Variants in ENOX1 observed in about 807,000 individuals in gnomAD.
The protein encoded by ENOX1 is candidate growth-related and time keeping constitutive hydroquinone (NADH) oxidase.
In ENOX1, 42 loss-of-function variants were observed where a neutral mutation model predicts 82.5. The ratio of observed to expected loss-of-function variants is 0.51; its 90% CI spans 0.40 to 0.66. The LOEUF (loss-of-function observed/expected upper bound fraction) is 0.66, where lower values mean the gene tolerates loss of function less well. Among genes scored for constraint, ENOX1 ranks in the 30% least tolerant of loss-of-function variants. The probability of loss-of-function intolerance (pLI) is 0.00; values close to 1 mark genes in which losing one functional copy is unlikely to be tolerated. For missense variants in ENOX1, 608 were observed against 811.6 expected, an observed-to-expected ratio of 0.75 and a Z score of 3.05; for synonymous variants, 271 against 282.2, an observed-to-expected ratio of 0.96 and a Z score of 0.40.
At chr13:43,432,125 C>T (rs116669031) in intron 3 of ENOX1, among the ~76,000 whole-genome samples, 1,713 of 152,202 alleles carry the variant, frequency 0.011, 24 homozygotes, top group African/African-American at 0.038. Context: ...TGTGGCTCCT[C>T]GTTGTGTGGT....
intron 1 of ENOX1, among the ~76,000 whole-genome samples, chr13:43,760,860 G>GAAAA (rs386378983): frequency 3.9e-5 from 5 of 127,314 alleles, no homozygotes; most frequent in South Asian, 2.7e-4. Context: ...CATTAAAGTG[G>GAAAA]AAAAAAAAAA....
At chr13:43,298,669 G>A in intron 11 of ENOX1, 139 bp from the exon 12 acceptor site, 3 of 655,084 alleles carry the variant, frequency 4.6e-6, no homozygotes, top group Non-Finnish European at 7.5e-6. Context: ...GCCACTCCCT[G>A]GGCCTCTCTT....
chr13:43,771,835 G>A (rs1951628724), intron 1 of ENOX1, among the ~76,000 whole-genome samples: 1 of 151,628 alleles, frequency 6.6e-6, no homozygotes, highest in South Asian at 2.1e-4. Context: ...CGCCATCTTG[G>A]CTCACTGCAA....
chr13:43,511,832 G>A (rs2153675884), intron 2 of ENOX1, among the ~76,000 whole-genome samples: 1 of 152,184 alleles, frequency 6.6e-6, no homozygotes, highest in East Asian at 1.9e-4. Flanking sequence ...TCATTCTAGG[G>A]AATCCAAAAG....
chr13:43,290,310 AC>A (rs1457088518), intron 12 of ENOX1, among the ~76,000 whole-genome samples: 1 of 152,246 alleles, frequency 6.6e-6, no homozygotes, highest in Non-Finnish European at 1.5e-5. Flanking sequence ...AATAGGAAAG[AC>A]ACAGAAGCAA....
intron 2 of ENOX1, among the ~76,000 whole-genome samples, chr13:43,626,603 T>C (rs1403211205): frequency 6.6e-6 from 1 of 151,904 alleles, no homozygotes; most frequent in Non-Finnish European, 1.5e-5. Context: ...TTGGAAATTG[T>C]CCTCTTATAT....
At chr13:43,557,802 A>G (rs1407987515) in intron 2 of ENOX1, among the ~76,000 whole-genome samples, 2 of 152,196 alleles carry the variant, frequency 1.3e-5, no homozygotes, top group African/African-American at 4.8e-5. Context: ...TGTCTCTAAC[A>G]GAAGTTTTAA....
intron 9 of ENOX1, among the ~76,000 whole-genome samples, chr13:43,338,187 A>G (rs916300478): frequency 1.3e-5 from 2 of 152,190 alleles, no homozygotes; most frequent in Non-Finnish European, 2.9e-5. Context: ...CATGCATATT[A>G]ATAACTGAAT....
chr13:43,563,269 A>G (rs992212029), intron 2 of ENOX1, among the ~76,000 whole-genome samples: 3 of 152,200 alleles, frequency 2.0e-5, no homozygotes, highest in African/African-American at 4.8e-5. Context: ...TGGAAATTAA[A>G]TTATATGCTT....
intron 1 of ENOX1, among the ~76,000 whole-genome samples, chr13:43,785,923 G>GGGGAGGC (rs1952567583): frequency 6.6e-6 from 1 of 152,110 alleles, no homozygotes; most frequent in Non-Finnish European, 1.5e-5. Flanking sequence ...CCGGAGAGGC[G>GGGGAGGC]GGGAGGCGGC....
chr13:43,393,660 G>C (rs2052945821), intron 5 of ENOX1, among the ~76,000 whole-genome samples: 1 of 152,096 alleles, frequency 6.6e-6, no homozygotes, highest in African/African-American at 2.4e-5. Flanking sequence ...GATTAAGCAT[G>C]GTCTTCTAGC....
At chr13:43,251,058 T>C (rs2043426015) in intron 14 of ENOX1, among the ~76,000 whole-genome samples, 2 of 152,170 alleles carry the variant, frequency 1.3e-5, no homozygotes, top group South Asian at 4.1e-4. Flanking sequence ...CCCAGCAATC[T>C]GTGTTTTAAA....
chr13:43,379,119 A>G (rs1234685365), intron 5 of ENOX1, among the ~76,000 whole-genome samples: 1 of 152,166 alleles, frequency 6.6e-6, no homozygotes, highest in Non-Finnish European at 1.5e-5. Context: ...TGGAGCCTCC[A>G]GAAAGAAATG....
At chr13:43,756,976 A>C (rs1247387622) in intron 1 of ENOX1, among the ~76,000 whole-genome samples, 15 of 149,190 alleles carry the variant, frequency 1.0e-4, no homozygotes, top group African/African-American at 2.2e-4. Context: ...CAACAACAAA[A>C]AAAAAAAAAA....
intron 2 of ENOX1, among the ~76,000 whole-genome samples, chr13:43,555,689 A>G (rs2079403225): frequency 6.6e-6 from 1 of 152,334 alleles, no homozygotes; most frequent in Non-Finnish European, 1.5e-5. Context: ...ATAAAATTCC[A>G]TTTAAATTAC....
chr13:43,284,771 GGTGTGTGTGT>G (rs72187459), intron 12 of ENOX1, among the ~76,000 whole-genome samples: 550 of 143,764 alleles, frequency 3.8e-3, no homozygotes, highest in African/African-American at 8.2e-3. Context: ...ATTTGTTAAA[GGTGTGTGTGT>G]GTGTGTGTGT....
intron 1 of ENOX1, among the ~76,000 whole-genome samples, chr13:43,692,311 T>G (rs2086407779): frequency 6.6e-6 from 1 of 152,218 alleles, no homozygotes; most frequent in African/African-American, 2.4e-5. Context: ...CTTTAAATGT[T>G]TTTTAAAATC....
At chr13:43,279,093 C>A (rs1411781385) in intron 12 of ENOX1, among the ~76,000 whole-genome samples, 1 of 152,132 alleles carries the variant, frequency 6.6e-6, no homozygotes. Flanking sequence ...CTGGGGAGAA[C>A]TGTTTCATCA....
chr13:43,621,957 C>A (rs1259904735), intron 2 of ENOX1, among the ~76,000 whole-genome samples: 1 of 152,046 alleles, frequency 6.6e-6, no homozygotes, highest in African/African-American at 2.4e-5. Flanking sequence ...TTTTCTTATT[C>A]TTTTTTCTTT....
Sources: allele counts gnomAD v4.1 joint callset (sites outside exome capture counted in the v4.1 genomes callset), GRCh38; gene constraint gnomAD v4.1.1; transcripts MANE v1.5; gene names NCBI Gene and HGNC (gene_info 2026-07-23, HGNC 2026-07-21).